The following PRSS53 variants were observed in gnomAD, a reference collection of about 807,000 sequenced individuals.
The protein encoded by PRSS53 is EDTP308.
In PRSS53, 54 loss-of-function variants were observed where a neutral mutation model predicts 62.7. That is an observed-to-expected ratio of 0.86 (90% CI 0.69 to 1.08). PRSS53 has a LOEUF of 1.08. Among genes scored for constraint, PRSS53 ranks in the 50% least tolerant of loss-of-function variants. The pLI, the probability that PRSS53 is intolerant of heterozygous loss-of-function variation, is 0.00. For synonymous variants in PRSS53, 273 were observed against 300.0 expected (o/e 0.91, Z 0.93); for missense variants, 688 against 728.3 (o/e 0.94, Z 0.64).
At chr16:31,087,822 A>G (rs2057250752) in exon 2 of PRSS53, 1 of 1,613,838 alleles carries the variant, frequency 6.2e-7, no homozygotes, top group Non-Finnish European at 8.5e-7. Context: ...GAGCGGCTTG[A>G]AGACCTGGGA....
chr16:31,086,753 C>A, exon 4 of PRSS53: 1 of 1,608,002 alleles, frequency 6.2e-7, no homozygotes, highest in Non-Finnish European at 8.5e-7. Context: ...TGCAGCAGGG[C>A]CAGGTCTGAG....
chr16:31,086,519 G>GCT, intron 4 of PRSS53, 28 bp from the exon 5 acceptor site: 2 of 1,596,204 alleles, frequency 1.3e-6, no homozygotes, highest in Non-Finnish European at 1.7e-6. Context: ...GCTGGGGCTA[G>GCT]AGTCTGGGAT....
At chr16:31,087,049 T>C in intron 3 of PRSS53, 151 bp from the exon 4 acceptor site, 1 of 756,952 alleles carries the variant, frequency 1.3e-6, no homozygotes, top group South Asian at 2.0e-5. Context: ...CAGGCTGCAG[T>C]GCAGTGGCAT....
exon 8 of PRSS53, chr16:31,084,942 C>T (rs920449776): frequency 9.7e-6 from 15 of 1,547,634 alleles, no homozygotes; most frequent in Middle Eastern, 1.7e-4. Flanking sequence ...TGGGTGTAGG[C>T]TCCATGCAGG....
chr16:31,087,101 G>A lies in PRSS53; in HGVS notation c.243-203C>T, dbSNP rs2057242921. ...AAGCCTTGACCTCCCAGGCTCAAGCGATCCTCCCACCTCAGCCTCGTGAGT... is the reference window on the plus strand; with the variant it reads ...AAGCCTTGACCTCCCAGGCTCAAGCAATCCTCCCACCTCAGCCTCGTGAGT... On this transcript the variant is annotated intron_variant, in intron 3 of 10. Transcript: ENST00000280606. 1.6e-5 allele frequency: 9 copies of A among 564,126 alleles called. No homozygotes were observed. The South Asian group carries it at 2.0e-4, about 13-fold the overall frequency. 34.9% of individuals were successfully genotyped at this position (564,126 alleles called of 1,614,324 possible).
rs1359780522 is a variant in PRSS53, at chr16:31,085,177, G to A, written c.967C>T (p.Gln323Ter). 1.2e-6 allele frequency: 2 copies of A among 1,610,198 alleles called. No individual in the cohort carries two copies. Among genetic ancestry groups the A allele is most frequent in the South Asian group, 1.1e-5 (1 of 90,258 alleles). Residue 323 changes from glutamine (Q) to a stop codon, truncating the protein, a stop_gained, in exon 7 of 11, where the codon CAG becomes TAG. Transcript: ENST00000280606. LOFTEE classifies it high-confidence loss of function. ...ACCAGGGCTCCGCCACAGGCCAGCT[G>A]TCCCTGGTGCATCAGCCTGGCCTCC...
At chr16:31,083,530 T>C in exon 11 of PRSS53, 1 of 1,385,542 alleles carries the variant, frequency 7.2e-7, no homozygotes, top group Middle Eastern at 2.7e-4. Flanking sequence ...GGCGTGATTG[T>C]ATCTGAAAGG....
At chr16:31,083,838 T>C in intron 10 of PRSS53, 29 bp from the exon 11 acceptor site, 1 of 1,613,912 alleles carries the variant, frequency 6.2e-7, no homozygotes, top group Middle Eastern at 1.7e-4. Context: ...GGTGGAGTTG[T>C]CCTCATCCTC....
chr16:31,088,122 G>GCC (rs1453954818), intron 1 of PRSS53: 69 of 1,359,088 alleles, frequency 5.1e-5, no homozygotes, highest in Non-Finnish European at 6.4e-5. Flanking sequence ...CCCAACTCCT[G>GCC]CCCCCGCCAC....
At position 31,084,351 on chromosome 16, in the gene PRSS53, T is replaced by C; in HGVS notation, c.1426-16A>G. The C allele has an allele frequency of 6.2e-7, 1 of 1,602,038 alleles. No individual in the cohort carries two copies. Among genetic ancestry groups the C allele is most frequent in the Non-Finnish European group, 8.5e-7 (1 of 1,175,168 alleles). On this transcript the variant is annotated splice_polypyrimidine_tract_variant and intron_variant, in intron 9 of 10. Coordinates refer to ENST00000280606, the Ensembl canonical transcript of PRSS53. ...CAGACAGGCCCTGTCAGGGGTCAGG[T>C]GACACTGGGTGACTTTTTATAGGCA...
At chr16:31,084,024 A>G in intron 10 of PRSS53, 95 bp downstream of exon 10, 1 of 1,503,990 alleles carries the variant, frequency 6.6e-7, no homozygotes, top group South Asian at 1.3e-5. Context: ...CACCCTACCC[A>G]AGGCAGCTGG....
Position 31,086,040 on chromosome 16 carries a change from C to T in PRSS53, c.807G>A (p.Gln269=), listed in dbSNP as rs537368971. ...GGAAAGCTGCCCCCTGAACTCGAGC[C>T]TGCAGCCAGGAACTGTGAGCAGCTG... The change falls in exon 6 of 11, where the codon CAG becomes CAA. Residue 269 remains glutamine (Q), a synonymous_variant. Transcript: ENST00000280606. 3.1e-6 allele frequency: 5 copies of T among 1,614,044 alleles called. No individual in the cohort carries two copies. In the East Asian group the frequency reaches 8.9e-5, roughly 29 times the overall value.
At chr16:31,085,426 G>A (rs2057222149) in intron 6 of PRSS53, among the ~76,000 whole-genome samples, 166 bp from the exon 7 acceptor site, 1 of 152,210 alleles carries the variant, frequency 6.6e-6, no homozygotes, top group African/African-American at 2.4e-5. Context: ...ACAGGCAAGT[G>A]GCAGACTTGC....
intron 8 of PRSS53, 29 bp from the exon 9 acceptor site, chr16:31,084,732 C>T (rs752444691): frequency 6.9e-6 from 11 of 1,600,264 alleles, no homozygotes; most frequent in Non-Finnish European, 9.4e-6. Context: ...CTGGCTGCCC[C>T]GGCCTGCAGG....
In PRSS53 at chr16:31,085,369, G is replaced by A. The variant is rs2057221656; in HGVS notation, c.884-109C>T. The A allele has an allele frequency of 5.4e-6, 7 of 1,287,156 alleles. No individual in the cohort carries two copies. In the Admixed American group the frequency reaches 2.1e-4, roughly 39 times the overall value. 79.7% of individuals were successfully genotyped at this position (1,287,156 alleles called of 1,614,324 possible). On this transcript the variant is annotated intron_variant, in intron 6 of 10. Coordinates refer to ENST00000280606, the Ensembl canonical transcript of PRSS53. ...AATTTTGTTCCCCTCATTACTGAAG[G>A]TAACCAAAGTTCCAGAGAGGTTAAG...
chr16:31,083,491 A>G (rs2057192551), exon 11 of PRSS53: 1 of 1,330,562 alleles, frequency 7.5e-7, no homozygotes, highest in Non-Finnish European at 9.7e-7. Context: ...CTGCCCCCCA[A>G]AAAAAGAAAT....
In PRSS53 at chr16:31,083,760, C is replaced by A. The variant is rs751073555; in HGVS notation, c.*30G>T. ...GTAATGCCATTTGCCTGCCTGCATT[C>A]TCTTGTCCTGAGAATGGCCAGGTCC... On this transcript the variant is annotated 3_prime_UTR_variant, in exon 11 of 11. Coordinates refer to ENST00000280606, the Ensembl canonical transcript of PRSS53. 3.1e-6 allele frequency: 5 copies of A among 1,614,042 alleles called. No homozygotes were observed. The South Asian group carries it at 4.4e-5, about 14-fold the overall frequency.
At chr16:31,088,461 ATT>A (rs1164347937) in intron 1 of PRSS53, 1 of 1,311,058 alleles carries the variant, frequency 7.6e-7, no homozygotes, top group African/African-American at 1.5e-5. Context: ...GCCTGACGTC[ATT>A]GTGGAAGTCG....
intron 6 of PRSS53, among the ~76,000 whole-genome samples, chr16:31,085,568 C>T (rs1307782330): frequency 6.6e-6 from 1 of 152,212 alleles, no homozygotes; most frequent in Non-Finnish European, 1.5e-5. Flanking sequence ...GGCCTGCCTC[C>T]CGTATTCCTG....
Sources: gnomAD v4.1 joint callset for allele counts (sites outside exome capture counted in the v4.1 genomes callset) on GRCh38, gnomAD v4.1.1 for gene constraint, MANE v1.5 for transcripts, NCBI Gene and HGNC (gene_info 2026-07-23, HGNC 2026-07-21) for gene names.